The following BICC1 variants were observed in gnomAD, a reference collection of about 807,000 sequenced individuals.
The protein encoded by BICC1 is protein bicaudal C homolog 1.
A neutral mutation model predicts 111.0 loss-of-function variants in BICC1; 43 were observed. The observed-to-expected ratio is 0.39, with a 90% CI of 0.30 to 0.50. BICC1 has a LOEUF of 0.50. Among genes scored for constraint, BICC1 ranks in the 20% least tolerant of loss-of-function variants. The pLI is 0.88. For missense variants in BICC1, 1,091 were observed against 1,203.2 expected (o/e 0.91, Z 1.38); for synonymous variants, 467 against 434.4 (o/e 1.07, Z -0.93).
chr10:58,759,837 T>C (rs1842256110), intron 3 of BICC1, among the ~76,000 whole-genome samples: 1 of 151,802 alleles, frequency 6.6e-6, no homozygotes, highest in South Asian at 2.1e-4. Context: ...TGGGCGCCTG[T>C]CGTCCCAGCT....
Position 58,793,554 on chromosome 10 carries a change from A to T in BICC1, c.1118A>T (p.Gln373Leu). Reference protein sequence around the residue: ...EIEVDPQFIAQLMEQLDVFIS... With the variant: ...EIEVDPQFIALLMEQLDVFIS... The stretch of plus-strand genomic sequence containing the variant: ...GAAGTAGATCCACAATTCATTGCGC[A>T]GTTGATGGAACAGCTTGATGTCTTC... Residue 373 changes from glutamine to leucine, a missense_variant, in exon 9 of 21, where the codon CAG (glutamine) becomes CTG (leucine). By Grantham distance (113) the Gln-to-Leu change is moderately radical (BLOSUM62 -2). Coordinates refer to ENST00000373886, the MANE Select transcript of BICC1 (RefSeq NM_001080512.3). 3 of 1,613,874 alleles carry T rather than the reference A, an allele frequency of 1.9e-6. No individual in the cohort carries two copies. The highest frequency in any genetic ancestry group is 1.1e-5 in the South Asian group (1 of 91,024).
chr10:58,615,246 G>A (rs1487199166), intron 1 of BICC1, among the ~76,000 whole-genome samples: 1 of 152,188 alleles, frequency 6.6e-6, no homozygotes, highest in Admixed American at 6.5e-5. Context: ...GTTACAGAAT[G>A]AAAATCATTG....
chr10:58,678,728 T>C (rs2132351060), intron 2 of BICC1, among the ~76,000 whole-genome samples: 1 of 152,332 alleles, frequency 6.6e-6, no homozygotes, highest in South Asian at 2.1e-4. Context: ...ATCAACAGAA[T>C]ATGCATTCTT....
At chr10:58,651,824 T>TCC (rs1838458869) in intron 2 of BICC1, among the ~76,000 whole-genome samples, 2 of 152,316 alleles carry the variant, frequency 1.3e-5, no homozygotes, top group South Asian at 4.1e-4. Flanking sequence ...ACTGAAATCA[T>TCC]AACTTTTCTA....
chr10:58,796,644 A>G, intron 10 of BICC1, 118 bp downstream of exon 10: 1 of 968,674 alleles, frequency 1.0e-6, no homozygotes, highest in Non-Finnish European at 1.5e-6. Context: ...TTGGGCTCTA[A>G]GATCAGATGA....
intron 3 of BICC1, among the ~76,000 whole-genome samples, chr10:58,762,785 A>G (rs1842352323): frequency 6.6e-6 from 1 of 152,140 alleles, no homozygotes; most frequent in African/African-American, 2.4e-5. Context: ...GTCATTGACA[A>G]AACTTGAAAA....
At chr10:58,726,917 A>G (rs1375467579) in intron 3 of BICC1, among the ~76,000 whole-genome samples, 1 of 152,208 alleles carries the variant, frequency 6.6e-6, no homozygotes, top group Non-Finnish European at 1.5e-5. Context: ...TACAAAATGG[A>G]ACTTTTTCCT....
At chr10:58,602,865 C>G (rs761611471) in intron 1 of BICC1, among the ~76,000 whole-genome samples, 1 of 152,172 alleles carries the variant, frequency 6.6e-6, no homozygotes, top group Non-Finnish European at 1.5e-5. Flanking sequence ...ATGACCCTTG[C>G]TGCCTTTGTT....
chr10:58,680,354 G>A (rs956201745), intron 2 of BICC1, among the ~76,000 whole-genome samples: 2 of 152,148 alleles, frequency 1.3e-5, no homozygotes, highest in African/African-American at 2.4e-5. Flanking sequence ...GATACAAAAT[G>A]TGCAAAAATC....
At chr10:58,794,306 T>C (rs886513762) in intron 9 of BICC1, among the ~76,000 whole-genome samples, 1 of 152,050 alleles carries the variant, frequency 6.6e-6, no homozygotes, top group South Asian at 2.1e-4. Context: ...CTGTGCTTTT[T>C]TGTAAATACT....
chr10:58,681,818 C>T (rs189031176), intron 2 of BICC1, among the ~76,000 whole-genome samples: 1 of 152,194 alleles, frequency 6.6e-6, no homozygotes, highest in East Asian at 1.9e-4. Context: ...TTGCTGACTT[C>T]AGGAGTGAAG....
chr10:58,513,412 G>C, intron 1 of BICC1, 79 bp downstream of exon 1: 5 of 1,336,174 alleles, frequency 3.7e-6, no homozygotes, highest in Non-Finnish European at 4.0e-6. Context: ...GCGCTCCGGC[G>C]CCCGCTACTC....
At chr10:58,814,135 C>T (rs990961426) in intron 18 of BICC1, 149 bp downstream of exon 18, 2 of 913,404 alleles carry the variant, frequency 2.2e-6, no homozygotes, top group Admixed American at 4.0e-5. Context: ...CCTTGTTTCT[C>T]CCAGTGAAGC....
At chr10:58,637,350 C>T (rs1407117198) in intron 2 of BICC1, among the ~76,000 whole-genome samples, 3 of 152,028 alleles carry the variant, frequency 2.0e-5, no homozygotes, top group African/African-American at 7.2e-5. Flanking sequence ...GGTTTGCTAC[C>T]AATAAAGAAT....
At chr10:58,796,239 G>T in intron 9 of BICC1, 101 bp from the exon 10 acceptor site, 1 of 976,434 alleles carries the variant, frequency 1.0e-6, no homozygotes, top group South Asian at 1.6e-5. Context: ...CCCCTGAGTG[G>T]AATTCTTATT....
chr10:58,677,404 A>T (rs1037491880), intron 2 of BICC1, among the ~76,000 whole-genome samples: 179 of 152,366 alleles, frequency 1.2e-3, no homozygotes, highest in African/African-American at 4.0e-3. Flanking sequence ...TTCGCGAAGC[A>T]TATACAAGTA....
chr10:58,687,050 T>G (rs1301248157), intron 2 of BICC1, among the ~76,000 whole-genome samples: 1 of 152,190 alleles, frequency 6.6e-6, no homozygotes, highest in Non-Finnish European at 1.5e-5. Context: ...AGATGGGGTT[T>G]TGGTATGGAT....
At chr10:58,701,937 G>A (rs1269681515) in intron 2 of BICC1, 137 bp from the exon 3 acceptor site, 1 of 505,368 alleles carries the variant, frequency 2.0e-6, no homozygotes, top group Non-Finnish European at 3.4e-6. Flanking sequence ...TTTTTTCTTT[G>A]CATTGTTTTC....
chr10:58,702,206 G>T (rs772875663), intron 3 of BICC1, 63 bp downstream of exon 3: 364 of 1,337,448 alleles, frequency 2.7e-4, no homozygotes, highest in Non-Finnish European at 3.8e-4. Context: ...ATTACTGCAG[G>T]TTTGCTGGGG....
Sources: gnomAD v4.1 joint callset for allele counts (sites outside exome capture counted in the v4.1 genomes callset) on GRCh38, gnomAD v4.1.1 for gene constraint, MANE v1.5 for transcripts, NCBI Gene and HGNC (gene_info 2026-07-23, HGNC 2026-07-21) for gene names.